Variants in ZNF609 observed in about 807,000 individuals in gnomAD.
The protein encoded by ZNF609 is zinc finger protein 609.
A neutral mutation model predicts 109.5 loss-of-function variants in ZNF609; 11 were observed. The observed-to-expected ratio is 0.10, with a 90% CI of 0.06 to 0.17. The LOEUF is 0.17. ZNF609 is among the 10% of genes least tolerant of loss of function. The pLI is 1.00. For synonymous variants in ZNF609, 646 were observed against 662.0 expected (o/e 0.98, Z 0.37); for missense variants, 1,559 against 1,772.4 (o/e 0.88, Z 2.16).
intron 3 of ZNF609, among the ~76,000 whole-genome samples, chr15:64,644,162 A>C (rs747574515): frequency 1.1e-4 from 16 of 152,160 alleles, no homozygotes; most frequent in Non-Finnish European, 2.1e-4. Flanking sequence ...AAACAACAAC[A>C]TCTTGTCCAA....
intron 2 of ZNF609, among the ~76,000 whole-genome samples, chr15:64,535,123 C>A (rs531374083): frequency 2.0e-5 from 3 of 152,154 alleles, no homozygotes; most frequent in Admixed American, 1.3e-4. Context: ...GTGATGTGAT[C>A]ATAGTTTACA....
chr15:64,489,145 A>G (rs1380928028), intron 1 of ZNF609, among the ~76,000 whole-genome samples: 1 of 151,498 alleles, frequency 6.6e-6, no homozygotes, highest in Non-Finnish European at 1.5e-5. Context: ...ATTTTACACA[A>G]CAGTTCTGTG....
At chr15:64,640,915 T>C (rs1896243880) in intron 3 of ZNF609, among the ~76,000 whole-genome samples, 1 of 152,194 alleles carries the variant, frequency 6.6e-6, no homozygotes, top group African/African-American at 2.4e-5. Flanking sequence ...CTGTGTCAGA[T>C]TTTTTGCATT....
At chr15:64,597,214 G>C (rs1895411340) in intron 2 of ZNF609, among the ~76,000 whole-genome samples, 1 of 152,146 alleles carries the variant, frequency 6.6e-6, no homozygotes, top group Non-Finnish European at 1.5e-5. Context: ...GACTTTGAGT[G>C]CCTCTTTTTC....
intron 2 of ZNF609, among the ~76,000 whole-genome samples, chr15:64,565,901 T>C (rs928015852): frequency 6.6e-6 from 1 of 152,096 alleles, no homozygotes; most frequent in African/African-American, 2.4e-5. Context: ...CAGGCTAGAG[T>C]GCAGTGATAC....
intron 2 of ZNF609, among the ~76,000 whole-genome samples, chr15:64,607,915 T>TGAGACAGAGTCTCACTC: frequency 1.5e-5 from 2 of 137,690 alleles, no homozygotes; most frequent in Non-Finnish European, 3.1e-5. Context: ...TTTTTTTTTT[T>TGAGACAGAGTCTCACTC]TGAGACAGAG....
At chr15:64,474,097 G>C (rs972932548) in intron 1 of ZNF609, among the ~76,000 whole-genome samples, 2 of 151,550 alleles carry the variant, frequency 1.3e-5, no homozygotes, top group African/African-American at 4.9e-5. Context: ...TAGTAGAGAC[G>C]GGGTTTCACC....
intron 2 of ZNF609, among the ~76,000 whole-genome samples, chr15:64,609,398 G>T (rs1327138835): frequency 6.6e-6 from 1 of 151,582 alleles, no homozygotes; most frequent in Non-Finnish European, 1.5e-5. Context: ...AGCCAGGATG[G>T]TCTTGATCTC....
rs1401526173 is a variant in ZNF609 at position 64,684,534 on chromosome 15, TG to T, written c.*2849del. 1 of 152,342 alleles carries T rather than the reference TG, an allele frequency of 6.6e-6. No individual in the cohort carries two copies. The highest frequency in any genetic ancestry group is 1.9e-4 in the East Asian group (1 of 5,190). 9.4% of individuals were successfully genotyped at this position (152,342 alleles called of 1,614,324 possible). On this transcript the variant is annotated 3_prime_UTR_variant, in exon 10 of 10. Coordinates refer to ENST00000326648, the MANE Select transcript of ZNF609 (RefSeq NM_015042.2). Reference sequence around the variant, plus strand: ...TTCCCTTCATCCCCTTTTCCTGCCTTGTACATGTACATGTATGAAATTTCCT... The same window carrying T: ...TTCCCTTCATCCCCTTTTCCTGCCTTTACATGTACATGTATGAAATTTCCT...
chr15:64,465,632 C>T (rs1415804876), intron 1 of ZNF609, among the ~76,000 whole-genome samples: 3 of 152,016 alleles, frequency 2.0e-5, no homozygotes, highest in South Asian at 2.1e-4. Flanking sequence ...CCACCCACCT[C>T]GGCCTCCCAA....
intron 2 of ZNF609, among the ~76,000 whole-genome samples, chr15:64,529,857 C>T (rs1481572230): frequency 6.6e-6 from 1 of 152,114 alleles, no homozygotes; most frequent in Admixed American, 6.5e-5. Context: ...CAGCCTCCTG[C>T]GTAGCTGGGA....
intron 3 of ZNF609, chr15:64,631,416 C>T (rs929088434): frequency 3.7e-5 from 27 of 729,036 alleles, no homozygotes; most frequent in Admixed American, 8.7e-5. Context: ...CCAGTTTAGC[C>T]GTGGTAACAC....
intron 2 of ZNF609, among the ~76,000 whole-genome samples, chr15:64,603,969 G>T (rs1895551888): frequency 7.7e-6 from 1 of 129,330 alleles, no homozygotes; most frequent in South Asian, 2.4e-4. Flanking sequence ...CTACAGTCCA[G>T]CCTGGGAGAC....
intron 2 of ZNF609, among the ~76,000 whole-genome samples, chr15:64,583,957 T>C (rs1010762183): frequency 1.6e-4 from 25 of 152,206 alleles, no homozygotes; most frequent in African/African-American, 5.8e-4. Context: ...TCATCTTTTT[T>C]TGGTCTCTAG....
chr15:64,560,712 G>T (rs1191585508), intron 2 of ZNF609, among the ~76,000 whole-genome samples: 1 of 152,108 alleles, frequency 6.6e-6, no homozygotes, highest in Non-Finnish European at 1.5e-5. Context: ...GAAGAAATTG[G>T]CAGGATTTCT....
At chr15:64,546,714 T>TCCA (rs1190274124) in intron 2 of ZNF609, among the ~76,000 whole-genome samples, 1 of 151,716 alleles carries the variant, frequency 6.6e-6, no homozygotes, top group East Asian at 1.9e-4. Context: ...ACTCAAGCAA[T>TCCA]CCACCTGCCT....
At chr15:64,477,234 C>T (rs564163346) in intron 1 of ZNF609, among the ~76,000 whole-genome samples, 4 of 149,876 alleles carry the variant, frequency 2.7e-5, no homozygotes, top group African/African-American at 2.5e-5. Context: ...TCTGCCTCCC[C>T]GGTTCAGGCC....
chr15:64,621,537 A>G (rs1199389655), intron 2 of ZNF609, among the ~76,000 whole-genome samples: 1 of 151,746 alleles, frequency 6.6e-6, no homozygotes, highest in Non-Finnish European at 1.5e-5. Flanking sequence ...TTTGTTTTTT[A>G]TAGAGGTGGG....
intron 1 of ZNF609, among the ~76,000 whole-genome samples, chr15:64,475,863 G>A (rs1267748119): frequency 1.3e-5 from 2 of 152,088 alleles, no homozygotes; most frequent in African/African-American, 4.8e-5. Flanking sequence ...CTTGATTCTT[G>A]AAAAAAGAAA....
Sources: allele counts gnomAD v4.1 joint callset (sites outside exome capture counted in the v4.1 genomes callset), GRCh38; gene constraint gnomAD v4.1.1; transcripts MANE v1.5; gene names NCBI Gene and HGNC (gene_info 2026-07-23, HGNC 2026-07-21).